Variants in MYO7B observed in about 807,000 individuals in gnomAD.
The protein encoded by MYO7B is myosin VIIB.
Under a neutral mutation model 259.7 loss-of-function variants are expected in MYO7B, and 212 were observed. The ratio of observed to expected loss-of-function variants is 0.82; its 90% CI spans 0.73 to 0.91. The LOEUF (loss-of-function observed/expected upper bound fraction) is 0.91, where lower values mean the gene tolerates loss of function less well. MYO7B is among the 40% of genes least tolerant of loss of function. The pLI is 0.00. For missense variants in MYO7B, 2,732 were observed against 2,813.5 expected, an observed-to-expected ratio of 0.97 and a Z score of 0.66; for synonymous variants, 1,197 against 1,166.4, an observed-to-expected ratio of 1.03 and a Z score of -0.54.
In MYO7B at chr2:127,627,120, G is replaced by A. The variant is rs751120611; in HGVS notation, c.4333+28G>A. The A allele has an allele frequency of 3.1e-6, 5 of 1,605,246 alleles. No individual in the cohort carries two copies. In the African/African-American group the frequency reaches 5.3e-5, roughly 17 times the overall value. On this transcript the variant is annotated intron_variant, in intron 32 of 47. Transcript: ENST00000409816. The surrounding 1 kb of genome is among the most constrained non-coding windows in gnomAD (Gnocchi z 5.6). ...AATGGCATCTGACAGGGGGCAGGGAGCAGGTATGGGCTGGGCACCCAGGGG... is the reference window on the plus strand; with the variant it reads ...AATGGCATCTGACAGGGGGCAGGGAACAGGTATGGGCTGGGCACCCAGGGG...
rs1679530899 is a variant in MYO7B at position 127,590,865 on chromosome 2, A to G, written c.1992+636A>G. On this transcript the variant is annotated intron_variant, in intron 16 of 47. Transcript: ENST00000409816. The surrounding 1 kb of genome is among the most constrained non-coding windows in gnomAD (Gnocchi z 4.6). ...ATAAGGGAATAAAAATATTACATGA[A>G]ATTAAATGCTTTTTGGAAAGAATAA... Among the ~76,000 whole-genome samples, 1 of 152,236 alleles carries G rather than the reference A, an allele frequency of 6.6e-6. No homozygotes were observed. Among genetic ancestry groups the G allele is most frequent in the African/African-American group, 2.4e-5 (1 of 41,464 alleles).
chr2:127,636,939 C>T lies in MYO7B; in HGVS notation c.6327+26C>T, dbSNP rs762578080. 1 of 1,607,696 alleles carries T rather than the reference C, an allele frequency of 6.2e-7. No homozygotes were observed. ...GTGAGCTCAGGTTCTTTCTCCCATC[C>T]AAGATGCATAGGACAGAGCTGCTGG... On this transcript the variant is annotated intron_variant, in intron 47 of 47. Transcript: ENST00000409816. The surrounding 1 kb of genome is among the most constrained non-coding windows in gnomAD (Gnocchi z 4.5).
chr2:127,587,118 G>A (rs1026602668), intron 14 of MYO7B, among the ~76,000 whole-genome samples: 2 of 152,178 alleles, frequency 1.3e-5, no homozygotes, highest in African/African-American at 4.8e-5. Context: ...CTTAAGGGGA[G>A]GAAAGTGAAA....
At chr2:127,626,870 A>AT in intron 31 of MYO7B, 105 bp from the exon 32 acceptor site, 1 of 1,068,718 alleles carries the variant, frequency 9.4e-7, no homozygotes, top group Non-Finnish European at 1.4e-6. Context: ...CTGGCCTTGT[A>AT]GAGCCTTCTC....
At chr2:127,579,382 A>C (rs1075774) in intron 9 of MYO7B, among the ~76,000 whole-genome samples, 3 of 152,090 alleles carry the variant, frequency 2.0e-5, no homozygotes, top group Admixed American at 2.0e-4. Flanking sequence ...ATCTCACGCC[A>C]TGTGAGAATA....
chr2:127,624,072 G>A (rs1558844171), intron 29 of MYO7B, 21 bp from the exon 30 acceptor site: 1 of 1,541,928 alleles, frequency 6.5e-7, no homozygotes, highest in East Asian at 2.4e-5. Context: ...GCTAACCCCT[G>A]CTCCCCGACT....
At position 127,584,650 on chromosome 2, in the gene MYO7B, T is replaced by G. The variant is rs77901993; in HGVS notation, c.1555-128T>G. On this transcript the variant is annotated intron_variant, in intron 13 of 47. Transcript: ENST00000409816. This position sits in a 1 kb window ranked among gnomAD's most constrained non-coding sequence, Gnocchi z 5.8. ...CACTGACCCCTGGGCATTAGTTTCC[T>G]GTCTGTACAAAGGCCCTCAATCATT... is the stretch of plus-strand genomic sequence containing the variant. 8.6e-7 allele frequency: 1 copy of G among 1,158,442 alleles called. No homozygotes were observed. Among genetic ancestry groups the G allele is most frequent in the Admixed American group, 2.4e-5 (1 of 41,394 alleles). 71.8% of individuals were successfully genotyped at this position (1,158,442 alleles called of 1,614,324 possible).
rs963821041 is a variant in MYO7B at position 127,628,983 on chromosome 2, T to G, written c.4624+448T>G. Reference sequence around the variant, plus strand: ...TGGGAGCCTAGTTCTTGGCCACAGCTCTCCCACAAGCCAGCACTCCATCGA... The same window carrying G: ...TGGGAGCCTAGTTCTTGGCCACAGCGCTCCCACAAGCCAGCACTCCATCGA... On this transcript the variant is annotated intron_variant, in intron 34 of 47. Transcript: ENST00000409816. This position sits in a 1 kb window ranked among gnomAD's most constrained non-coding sequence, Gnocchi z 4.8. Among the ~76,000 whole-genome samples the G allele has an allele frequency of 2.6e-5, 4 of 152,138 alleles. No homozygotes were observed. The highest frequency in any genetic ancestry group is 7.2e-5 in the African/African-American group (3 of 41,422).
intron 31 of MYO7B, 85 bp from the exon 32 acceptor site, chr2:127,626,890 C>T: frequency 8.0e-7 from 1 of 1,245,522 alleles, no homozygotes; most frequent in Non-Finnish European, 1.1e-6. Context: ...CAGAAGGATC[C>T]ATCAACTCTT....
At chr2:127,568,165 G>C (rs1355007827) in intron 5 of MYO7B, among the ~76,000 whole-genome samples, 6 of 152,238 alleles carry the variant, frequency 3.9e-5, no homozygotes, top group Non-Finnish European at 7.3e-5. Context: ...ACAGCAGACA[G>C]GTACTCTGGG....
In MYO7B at chr2:127,627,110, G is replaced by A. The variant is rs377170565; in HGVS notation, c.4333+18G>A. 15 of 1,607,256 alleles carry A rather than the reference G, an allele frequency of 9.3e-6. No homozygotes were observed. The highest frequency in any genetic ancestry group is 4.2e-6 in the Non-Finnish European group (5 of 1,177,278). On this transcript the variant is annotated intron_variant, in intron 32 of 47. Coordinates refer to ENST00000409816, the MANE Select transcript of MYO7B (RefSeq NM_001393586.1). This position sits in a 1 kb window ranked among gnomAD's most constrained non-coding sequence, Gnocchi z 5.6. ...ACTCTCAGGTAATGGCATCTGACAG[G>A]GGGCAGGGAGCAGGTATGGGCTGGG...
intron 27 of MYO7B, among the ~76,000 whole-genome samples, chr2:127,621,597 C>T (rs1680841566): frequency 6.6e-6 from 1 of 152,186 alleles, no homozygotes; most frequent in African/African-American, 2.4e-5. Context: ...TATGTTTTCT[C>T]ATGGTGTCAA....
At chr2:127,623,823 C>G (rs910893955) in intron 29 of MYO7B, among the ~76,000 whole-genome samples, 1 of 152,198 alleles carries the variant, frequency 6.6e-6, no homozygotes, top group Non-Finnish European at 1.5e-5. Context: ...GTCATCCAAC[C>G]GAGGCGCCGG....
intron 19 of MYO7B, among the ~76,000 whole-genome samples, chr2:127,602,375 C>T (rs574409389): frequency 6.6e-6 from 1 of 152,190 alleles, no homozygotes; most frequent in Non-Finnish European, 1.5e-5. Flanking sequence ...TGGCCAGGCA[C>T]GGTGGCTCAT....
In MYO7B at chr2:127,622,256, G is replaced by C. The variant is rs141708500; in HGVS notation, c.3645+155G>C. Reference sequence around the variant, plus strand: ...AGTACCTCCCATGCCAGTGGTCCCTGTGAGTGCCCCTGGGGCTCGGCCTCC... The same window carrying C: ...AGTACCTCCCATGCCAGTGGTCCCTCTGAGTGCCCCTGGGGCTCGGCCTCC... On this transcript the variant is annotated intron_variant, in intron 28 of 47. Coordinates refer to ENST00000409816, the MANE Select transcript of MYO7B (RefSeq NM_001393586.1). 6.8e-3 allele frequency among the ~76,000 whole-genome samples: 1,040 copies of C among 152,266 alleles called. 19 individuals are homozygous for C. The highest frequency in any genetic ancestry group is 7.5e-3 in the Non-Finnish European group (513 of 68,010).
chr2:127,562,487 T>TTTG lies in MYO7B; in HGVS notation c.19-1664_19-1663insGTT, dbSNP rs1420287805. Among the ~76,000 whole-genome samples, 31 of 137,920 alleles carry TTTG rather than the reference T, an allele frequency of 2.2e-4. 1 individual carries two copies. In the South Asian group the frequency reaches 8.1e-3, roughly 36 times the overall value. The allele number at this position is 137,920 out of a possible 152,430, so 90.5% of individuals were successfully genotyped here. ...AATTTTTGTGGGGTTTTATTGTTTT[T>TTTG]TTTTTTTTTTTTTTTTTTTGAGACG... On this transcript the variant is annotated intron_variant, in intron 2 of 47. Transcript: ENST00000409816.
At position 127,573,932 on chromosome 2, in the gene MYO7B, C is replaced by T. The variant is rs777215083; in HGVS notation, c.605C>T (p.Ala202Val). The change falls in exon 7 of 48, where the codon GCC becomes GTC. Residue 202 changes from alanine to valine, a missense_variant. Ala to Val is a moderately conservative substitution (Grantham distance 64). Coordinates refer to ENST00000409816, the MANE Select transcript of MYO7B (RefSeq NM_001393586.1). The stretch of plus-strand genomic sequence containing the variant: ...CGCTTACCTTCAGCCTTTGGAAATG[C>T]CAAGACAATCCGCAACGACAACTCA... ...ANPILEAFGN[A>V]KTIRNDNSSR... The T allele has an allele frequency of 5.0e-6, 8 of 1,613,954 alleles. No individual in the cohort carries two copies. Among genetic ancestry groups the T allele is most frequent in the Non-Finnish European group, 6.8e-6 (8 of 1,179,902 alleles).
intron 1 of MYO7B, among the ~76,000 whole-genome samples, chr2:127,536,477 G>T (rs13014408): frequency 1.6e-5 from 2 of 125,272 alleles, no homozygotes; most frequent in African/African-American, 2.9e-5. Context: ...TGGGGGGGGG[G>T]GTGGGGGAAG....
At chr2:127,566,945 C>T in intron 5 of MYO7B, 118 bp downstream of exon 5, 1 of 1,089,818 alleles carries the variant, frequency 9.2e-7, no homozygotes, top group Non-Finnish European at 1.3e-6. Flanking sequence ...ACACCCATCT[C>T]CACAGCACAC....
Sources: gnomAD v4.1 joint callset for allele counts (sites outside exome capture counted in the v4.1 genomes callset) on GRCh38, gnomAD v4.1.1 for gene constraint, Gnocchi (gnomAD v3.1) non-coding constraint, MANE v1.5 for transcripts, NCBI Gene and HGNC (gene_info 2026-07-23, HGNC 2026-07-21) for gene names.